DOCK9: variants seen among roughly 807,000 people sequenced by gnomAD.
The protein encoded by DOCK9 is dedicator of cytokinesis 9, also known as dedicator of cytokinesis protein 9.
Under a neutral mutation model 263.3 loss-of-function variants are expected in DOCK9, and 89 were observed. The ratio of observed to expected loss-of-function variants is 0.34; its 90% confidence interval spans 0.28 to 0.40. The LOEUF (loss-of-function observed/expected upper bound fraction) is 0.40, where lower values mean the gene tolerates loss of function less well. Ranked by LOEUF, DOCK9 falls within the 10% of genes least tolerant of loss-of-function variation. DOCK9 has a pLI of 1.00. For missense variants in DOCK9, 2,140 were observed against 2,603.4 expected (o/e 0.82, Z 3.87); for synonymous variants, 976 against 973.1 (o/e 1.00, Z -0.06).
intron 1 of DOCK9, among the ~76,000 whole-genome samples, chr13:99,038,879 C>T (rs553779445): frequency 2.7e-4 from 41 of 152,258 alleles, no homozygotes; most frequent in African/African-American, 8.9e-4. Context: ...TCTTAAAGCA[C>T]AATGAAAAAC....
chr13:98,823,999 C>T (rs2092414721), intron 45 of DOCK9, among the ~76,000 whole-genome samples: 1 of 152,160 alleles, frequency 6.6e-6, no homozygotes, highest in Non-Finnish European at 1.5e-5. Flanking sequence ...TTTGAGTTTG[C>T]CCTGGGGATA....
At chr13:98,842,487 C>T (rs1450852364) in intron 38 of DOCK9, among the ~76,000 whole-genome samples, 5 of 152,140 alleles carry the variant, frequency 3.3e-5, no homozygotes, top group African/African-American at 1.2e-4. Flanking sequence ...TGCATTATAC[C>T]AGTGGAAAAT....
At chr13:98,904,503 C>T in intron 10 of DOCK9, 129 bp downstream of exon 10, 1 of 675,400 alleles carries the variant, frequency 1.5e-6, no homozygotes, top group Non-Finnish European at 2.4e-6. Flanking sequence ...CCTCTTTTCC[C>T]CAAATTTTCT....
At chr13:98,807,835 T>C in intron 47 of DOCK9, 28 bp from the exon 48 acceptor site, 2 of 1,587,072 alleles carry the variant, frequency 1.3e-6, no homozygotes, top group African/African-American at 2.7e-5. Flanking sequence ...ATTAGAGCTA[T>C]CCCTGAACGT....
intron 9 of DOCK9, among the ~76,000 whole-genome samples, chr13:98,906,470 C>T (rs1478164734): frequency 2.6e-5 from 4 of 152,140 alleles, no homozygotes; most frequent in Admixed American, 1.3e-4. Flanking sequence ...ATATTCTGTT[C>T]TTCTTGTCAG....
chr13:98,811,153 C>A (rs1432292149), intron 45 of DOCK9, among the ~76,000 whole-genome samples: 1 of 152,186 alleles, frequency 6.6e-6, no homozygotes, highest in Non-Finnish European at 1.5e-5. Context: ...TGATGTTAAT[C>A]TCTCCGTGGA....
At chr13:98,800,045 A>T (rs1035103156) in intron 50 of DOCK9, among the ~76,000 whole-genome samples, 2 of 152,120 alleles carry the variant, frequency 1.3e-5, no homozygotes, top group Non-Finnish European at 2.9e-5. Context: ...CTGACAAATC[A>T]GGGTAGTGTA....
upstream of DOCK9, among the ~76,000 whole-genome samples, chr13:99,087,424 G>C (rs907892919): frequency 6.6e-6 from 1 of 152,240 alleles, no homozygotes; most frequent in Non-Finnish European, 1.5e-5. Flanking sequence ...GGCCCTCACT[G>C]GGGCCGATTT....
chr13:98,858,749 T>C (rs905655431), intron 33 of DOCK9: 5 of 152,206 alleles, frequency 3.3e-5, no homozygotes, highest in Non-Finnish European at 7.3e-5. Context: ...TTCAAGTACT[T>C]TTCACAGCTG....
At chr13:98,863,857 A>C (rs747475797) in intron 30 of DOCK9, among the ~76,000 whole-genome samples, 2 of 152,212 alleles carry the variant, frequency 1.3e-5, no homozygotes, top group Non-Finnish European at 2.9e-5. Flanking sequence ...TTTAGACTAG[A>C]ACACAGCATA....
intron 27 of DOCK9, among the ~76,000 whole-genome samples, chr13:98,874,479 A>G (rs1039814259): frequency 6.6e-6 from 1 of 152,218 alleles, no homozygotes; most frequent in Non-Finnish European, 1.5e-5. Flanking sequence ...ACATGGATAC[A>G]TCTTTCATTT....
chr13:98,843,088 AGTT>A (rs2093277998), intron 38 of DOCK9, among the ~76,000 whole-genome samples: 1 of 152,206 alleles, frequency 6.6e-6, no homozygotes, highest in Admixed American at 6.5e-5. Context: ...GGTCAAGCTG[AGTT>A]CTGACAAAGC....
At chr13:99,088,470 C>G (rs886435026), upstream of DOCK9, 1 of 152,200 alleles carries the variant, frequency 6.6e-6, no homozygotes, top group African/African-American at 2.4e-5. Context: ...TTCTGAGAAT[C>G]ATGAGTTAGA....
At chr13:98,915,573 C>A in intron 7 of DOCK9, 70 bp from the exon 8 acceptor site, 1 of 1,419,012 alleles carries the variant, frequency 7.0e-7, no homozygotes, top group East Asian at 2.5e-5. Flanking sequence ...ATTACTCTCT[C>A]TTGTTGGTGA....
chr13:98,800,532 A>G (rs2089996610), intron 49 of DOCK9, 54 bp from the exon 50 acceptor site: 2 of 1,566,642 alleles, frequency 1.3e-6, no homozygotes, highest in Admixed American at 3.6e-5. Context: ...CTTTAGTGTT[A>G]TTGAGCTGAT....
At chr13:99,034,538 C>G (rs1887660640) in intron 1 of DOCK9, among the ~76,000 whole-genome samples, 1 of 152,180 alleles carries the variant, frequency 6.6e-6, no homozygotes, top group African/African-American at 2.4e-5. Flanking sequence ...GCCTCAGCTC[C>G]TCATCTGCAA....
intron 1 of DOCK9, among the ~76,000 whole-genome samples, chr13:99,084,388 A>G: frequency 6.6e-6 from 1 of 152,348 alleles, no homozygotes; most frequent in East Asian, 1.9e-4. Context: ...TATCTGTTCC[A>G]TCACAGGTTT....
At chr13:99,055,061 T>C (rs1050392195) in intron 1 of DOCK9, among the ~76,000 whole-genome samples, 5 of 152,218 alleles carry the variant, frequency 3.3e-5, no homozygotes, top group African/African-American at 9.6e-5. Context: ...GGTTCTGCTA[T>C]GAAATTTTCT....
At chr13:98,907,273 G>A (rs947238194) in intron 9 of DOCK9, among the ~76,000 whole-genome samples, 17 of 152,252 alleles carry the variant, frequency 1.1e-4, no homozygotes, top group South Asian at 4.2e-4. Flanking sequence ...CTTCTGAATC[G>A]TCCGCTTGAG....
Sources: allele counts gnomAD v4.1 joint callset (sites outside exome capture counted in the v4.1 genomes callset), GRCh38; gene constraint gnomAD v4.1.1; transcripts MANE v1.5; gene names NCBI Gene and HGNC (gene_info 2026-07-23, HGNC 2026-07-21).